The following NTNG1 variants were observed in gnomAD, a reference collection of about 807,000 sequenced individuals.
The protein encoded by NTNG1 is netrin-G1.
Under a neutral mutation model 54.0 loss-of-function variants are expected in NTNG1, and 16 were observed. That is an observed-to-expected ratio of 0.30 (90% CI 0.20 to 0.45). NTNG1 has a LOEUF of 0.45. Among genes scored for constraint, NTNG1 ranks in the 20% least tolerant of loss-of-function variants. The probability of loss-of-function intolerance (pLI) is 1.00; values close to 1 mark genes in which losing one functional copy is unlikely to be tolerated. For missense variants in NTNG1, 530 were observed against 678.7 expected (o/e 0.78, Z 2.43); for synonymous variants, 255 against 263.1 (o/e 0.97, Z 0.30).
intron 2 of NTNG1, among the ~76,000 whole-genome samples, chr1:107,221,533 CA>C (rs1221216535): frequency 2.0e-5 from 3 of 152,052 alleles, no homozygotes; most frequent in Non-Finnish European, 4.4e-5. Context: ...CATTTCCTAC[CA>C]AAATGTCAGG....
At chr1:107,272,064 G>T (rs952792744) in intron 2 of NTNG1, among the ~76,000 whole-genome samples, 1 of 151,978 alleles carries the variant, frequency 6.6e-6, no homozygotes, top group African/African-American at 2.4e-5. Flanking sequence ...AAATCAGCTT[G>T]GTAAAACATT....
chr1:107,319,690 A>G (rs925787185), intron 2 of NTNG1, among the ~76,000 whole-genome samples: 1 of 151,848 alleles, frequency 6.6e-6, no homozygotes, highest in African/African-American at 2.4e-5. Context: ...TCTCACATTC[A>G]CTTGTGTACA....
At chr1:107,426,736 G>A (rs1674932450) in intron 5 of NTNG1, among the ~76,000 whole-genome samples, 1 of 151,996 alleles carries the variant, frequency 6.6e-6, no homozygotes, top group African/African-American at 2.4e-5. Flanking sequence ...TTGGAAATTT[G>A]ATAGGAATTG....
chr1:107,204,025 A>G (rs922228753), intron 2 of NTNG1, among the ~76,000 whole-genome samples: 9 of 151,922 alleles, frequency 5.9e-5, no homozygotes, highest in Admixed American at 5.9e-4. Flanking sequence ...TTTGTATTTC[A>G]TAGTATATGG....
chr1:107,322,403 T>C (rs1449527442), intron 2 of NTNG1, among the ~76,000 whole-genome samples: 3 of 152,120 alleles, frequency 2.0e-5, no homozygotes, highest in African/African-American at 7.2e-5. Context: ...TGCTGACAGA[T>C]TTTGAAGTGA....
Position 107,482,051 on chromosome 1 carries a change from A to G in NTNG1, c.*1211A>G, listed in dbSNP as rs1309063402. The G allele has an allele frequency of 9.7e-5, 10 of 103,436 alleles. No individual in the cohort carries two copies. Among genetic ancestry groups the G allele is most frequent in the Non-Finnish European group, 2.0e-4 (10 of 49,742 alleles). The allele number at this position is 103,436 out of a possible 1,614,324, so 6.4% of individuals were successfully genotyped here. Reference sequence around the variant, plus strand: ...CTATTTCCACTTGGGAAAAATTACAACAGCAAAAAAAAAAAAAAAAAAAAA... The same window carrying G: ...CTATTTCCACTTGGGAAAAATTACAGCAGCAAAAAAAAAAAAAAAAAAAAA... On this transcript the variant is annotated 3_prime_UTR_variant, in exon 8 of 8. Transcript: ENST00000370068.
chr1:107,398,065 T>TTAAG (rs1553239865), intron 4 of NTNG1, among the ~76,000 whole-genome samples: 1 of 152,054 alleles, frequency 6.6e-6, no homozygotes, highest in East Asian at 1.9e-4. Context: ...TCCCCTAACA[T>TTAAG]AACACAAAAG....
At chr1:107,445,555 A>G (rs1676258367) in intron 7 of NTNG1, among the ~76,000 whole-genome samples, 3 of 152,190 alleles carry the variant, frequency 2.0e-5, no homozygotes, top group Non-Finnish European at 4.4e-5. Flanking sequence ...AAAGAGGATA[A>G]TTCCACCAAC....
At chr1:107,156,008 T>A (rs1221512055) in intron 2 of NTNG1, among the ~76,000 whole-genome samples, 1 of 152,162 alleles carries the variant, frequency 6.6e-6, no homozygotes, top group Admixed American at 6.5e-5. Context: ...ACAGCCTAGG[T>A]ATGTGTAGCA....
intron 5 of NTNG1, among the ~76,000 whole-genome samples, chr1:107,428,600 G>A (rs1005279183): frequency 6.6e-6 from 1 of 152,100 alleles, no homozygotes. Context: ...GGGCAGGGCT[G>A]TTATTGGCCC....
chr1:107,401,353 G>A (rs370106201), intron 4 of NTNG1, among the ~76,000 whole-genome samples: 2 of 152,194 alleles, frequency 1.3e-5, no homozygotes, highest in African/African-American at 2.4e-5. Context: ...GTTGAAAACC[G>A]GAATACCAAG....
chr1:107,312,538 T>C lies in NTNG1; in HGVS notation c.247-11744T>C, dbSNP rs956099662. Reference sequence around the variant, plus strand: ...CTGTAGCTAAGTGGTAGAGCTGGAATTCAAACTTAGGAAGATCTGACCCAG... The same window carrying C: ...CTGTAGCTAAGTGGTAGAGCTGGAACTCAAACTTAGGAAGATCTGACCCAG... On this transcript the variant is annotated intron_variant, in intron 2 of 7. Coordinates refer to ENST00000370068, the MANE Select transcript of NTNG1 (RefSeq NM_001113226.3). 1.2e-4 allele frequency among the ~76,000 whole-genome samples: 18 copies of C among 152,144 alleles called. No individual in the cohort carries two copies. In the East Asian group the frequency reaches 3.5e-3, roughly 29 times the overall value.
Position 107,415,947 on chromosome 1 carries a change from A to C in NTNG1, c.1087+8239A>C, listed in dbSNP as rs11185109. ...TACTACATGCTAAGGTATTAGAATAAAAAGTAAAATTACTCAGAGAGTAAT... is the reference window on the plus strand; with the variant it reads ...TACTACATGCTAAGGTATTAGAATACAAAGTAAAATTACTCAGAGAGTAAT... On this transcript the variant is annotated intron_variant, in intron 5 of 7. Transcript: ENST00000370068. 2.2e-3 allele frequency among the ~76,000 whole-genome samples: 329 copies of C among 152,314 alleles called. 2 individuals carry two copies. Among genetic ancestry groups the C allele is most frequent in the African/African-American group, 7.8e-3 (325 of 41,578 alleles).
At chr1:107,318,234 G>A (rs960366912) in intron 2 of NTNG1, among the ~76,000 whole-genome samples, 2 of 152,098 alleles carry the variant, frequency 1.3e-5, no homozygotes, top group Non-Finnish European at 2.9e-5. Context: ...CCTGGGACAT[G>A]ACCCATCTTT....
At chr1:107,265,871 G>A (rs1003397624) in intron 2 of NTNG1, among the ~76,000 whole-genome samples, 1 of 152,142 alleles carries the variant, frequency 6.6e-6, no homozygotes, top group Non-Finnish European at 1.5e-5. Flanking sequence ...CCTACCAGGA[G>A]GTGAGTCTCT....
At chr1:107,256,697 C>T (rs548055305) in intron 2 of NTNG1, among the ~76,000 whole-genome samples, 8 of 152,040 alleles carry the variant, frequency 5.3e-5, no homozygotes, top group East Asian at 1.9e-4. Flanking sequence ...TGAGCCTGGA[C>T]GGGAGGAGAG....
At chr1:107,467,228 G>C (rs972093458) in intron 7 of NTNG1, among the ~76,000 whole-genome samples, 2 of 152,030 alleles carry the variant, frequency 1.3e-5, no homozygotes, top group African/African-American at 4.8e-5. Flanking sequence ...ATTCATCCAA[G>C]AAATTGTAGG....
intron 3 of NTNG1, among the ~76,000 whole-genome samples, chr1:107,350,876 A>G (rs146449277): frequency 6.6e-6 from 1 of 152,280 alleles, no homozygotes; most frequent in East Asian, 1.9e-4. Context: ...CAAAAAGTGC[A>G]AAGTTTCAGT....
chr1:107,416,974 C>A (rs554857054), intron 5 of NTNG1, among the ~76,000 whole-genome samples: 3 of 152,038 alleles, frequency 2.0e-5, no homozygotes, highest in Admixed American at 1.3e-4. Flanking sequence ...AAAACAATTT[C>A]TGGGAATACA....
Sources: gnomAD v4.1 joint callset for allele counts (sites outside exome capture counted in the v4.1 genomes callset) on GRCh38, gnomAD v4.1.1 for gene constraint, MANE v1.5 for transcripts, NCBI Gene and HGNC (gene_info 2026-07-23, HGNC 2026-07-21) for gene names.